The following ZCRB1 variants were observed in gnomAD, a reference collection of about 807,000 sequenced individuals.
ZCRB1 encodes zinc finger CCHC-type and RNA-binding motif-containing protein 1.
In ZCRB1, 21 loss-of-function variants were observed where a neutral mutation model predicts 29.9. The ratio of observed to expected loss-of-function variants is 0.70; its 90% confidence interval spans 0.50 to 1.01. ZCRB1 has a LOEUF of 1.01. Ranked by LOEUF, ZCRB1 falls within the 50% of genes least tolerant of loss-of-function variation. The pLI, the probability that ZCRB1 is intolerant of heterozygous loss-of-function variation, is 0.00. For missense variants in ZCRB1, 204 were observed against 253.3 expected (o/e 0.81, Z 1.32); for synonymous variants, 77 against 80.0 (o/e 0.96, Z 0.20).
chr12:42,321,415 A>G (rs1002482116), intron 3 of ZCRB1, among the ~76,000 whole-genome samples: 2 of 152,214 alleles, frequency 1.3e-5, no homozygotes, highest in African/African-American at 4.8e-5. Flanking sequence ...TGAGATGATA[A>G]TAGTACCTAC....
intron 2 of ZCRB1, among the ~76,000 whole-genome samples, chr12:42,322,882 T>C (rs1300994149): frequency 6.6e-6 from 1 of 152,200 alleles, no homozygotes; most frequent in Non-Finnish European, 1.5e-5. Context: ...CAATCCCTGT[T>C]TGAGAAGGCA....
rs79077494 is a variant in ZCRB1 at position 42,322,811 on chromosome 12, A to C, written c.85-365T>G. Among the ~76,000 whole-genome samples, 260 of 152,320 alleles carry C rather than the reference A, an allele frequency of 1.7e-3. 1 individual carries two copies. The highest frequency in any genetic ancestry group is 5.9e-3 in the African/African-American group (246 of 41,584). ...AGATACACCTGTGCTTCAAATGTCA[A>C]TCTTATGGAGCAGCACTTTTCCAAT... On this transcript the variant is annotated intron_variant, in intron 2 of 7. Coordinates refer to ENST00000266529, the MANE Select transcript of ZCRB1 (RefSeq NM_033114.4).
chr12:42,316,931 G>A (rs1451534222), intron 5 of ZCRB1, among the ~76,000 whole-genome samples: 2 of 152,180 alleles, frequency 1.3e-5, no homozygotes, highest in Non-Finnish European at 2.9e-5. Context: ...ACTAGGCCAG[G>A]CACCATGGCT....
At chr12:42,321,799 CT>C (rs1046579826) in intron 3 of ZCRB1, among the ~76,000 whole-genome samples, 1 of 152,080 alleles carries the variant, frequency 6.6e-6, no homozygotes, top group African/African-American at 2.4e-5. Context: ...TATCCTGTTA[CT>C]TTTTTGCCCC....
Position 42,313,983 on chromosome 12 carries a change from T to C in ZCRB1, c.337A>G (p.Ser113Gly), listed in dbSNP as rs966022519. 7.0e-6 allele frequency: 11 copies of C among 1,581,346 alleles called. No homozygotes were observed. The highest frequency in any genetic ancestry group is 5.5e-5 in the African/African-American group (4 of 72,570). Residue 113 changes from serine (S) to glycine (G), a missense_variant, in exon 6 of 8, where the codon AGT (serine) becomes GGT (glycine). Coordinates refer to ENST00000266529, the MANE Select transcript of ZCRB1 (RefSeq NM_033114.4). ...GGACAGGCATAACTTAAGTGTCCAC[T>C]TTCCTTTTGTTTCCCATTAAAAAGG... ...DKSKCYECGE[S>G]GHLSYACPKN...
chr12:42,317,929 G>T (rs778280219), intron 3 of ZCRB1, 31 bp from the exon 4 acceptor site: 4 of 1,549,640 alleles, frequency 2.6e-6, no homozygotes, highest in Non-Finnish European at 2.6e-6. Flanking sequence ...TTAAAAATGA[G>T]GCAGCAATAA....
At chr12:42,317,234 A>T in intron 5 of ZCRB1, 106 bp downstream of exon 5, 1 of 696,592 alleles carries the variant, frequency 1.4e-6, no homozygotes, top group South Asian at 2.2e-5. Context: ...AAGCATTTTC[A>T]TAATCTGGTT....
In ZCRB1 at chr12:42,313,759, T is replaced by C. The variant is rs781432849; in HGVS notation, c.453A>G (p.Glu151=). The change falls in exon 7 of 8, where the codon GAA becomes GAG. Residue 151 remains glutamate (E), a synonymous_variant. Transcript: ENST00000266529. ...KAPEPEEEIE[E]VEESEDEGED... ...CCCCTTCATCTTCACTTTCTTCTAC[T>C]TCCTCACTTAAATAAAGAAAAACAA... 4 of 1,614,094 alleles carry C rather than the reference T, an allele frequency of 2.5e-6. No homozygotes were observed. The highest frequency in any genetic ancestry group is 3.4e-6 in the Non-Finnish European group (4 of 1,179,988).
In ZCRB1 at chr12:42,317,800, AT is replaced by A; in HGVS notation, c.211del (p.Ile71Ter). On this transcript the variant is annotated frameshift_variant, in exon 4 of 8. Coordinates refer to ENST00000266529, the MANE Select transcript of ZCRB1 (RefSeq NM_033114.4). LOFTEE classifies it high-confidence loss of function. ...KDSAQNCTRA[I>X]NNKQLFGRVI... ...TGAATAGCTTACCTGTTTGTTGTTT[AT>A]TGCCCTGGTACAGTTTTGTGCAGAG... The A allele has an allele frequency of 6.2e-7, 1 of 1,612,840 alleles. No individual in the cohort carries two copies. The highest frequency in any genetic ancestry group is 8.5e-7 in the Non-Finnish European group (1 of 1,179,774).
Position 42,317,373 on chromosome 12 carries a change from G to A in ZCRB1, c.300C>T (p.Asn100=). The change falls in exon 5 of 8, where the codon AAC becomes AAT. Residue 100 remains asparagine, a synonymous_variant. Transcript: ENST00000266529. ...GRAAEFIRRR[N]YFDKSKCYEC... ...CATAACACTTAGATTTATCAAAGTA[G>A]TTTCGCCTTCGGATGAACTCAGCTG... 6.2e-7 allele frequency: 1 copy of A among 1,612,784 alleles called. No homozygotes were observed. The highest frequency in any genetic ancestry group is 1.1e-5 in the South Asian group (1 of 90,792).
At chr12:42,325,345 TTATG>T (rs1407278433) in intron 1 of ZCRB1, 1 of 152,216 alleles carries the variant, frequency 6.6e-6, no homozygotes, top group Non-Finnish European at 1.5e-5. Flanking sequence ...AATTTAAGCT[TTATG>T]TATCGACAAT....
intron 3 of ZCRB1, among the ~76,000 whole-genome samples, chr12:42,319,387 T>G (rs1189741015): frequency 6.6e-6 from 1 of 152,198 alleles, no homozygotes; most frequent in African/African-American, 2.4e-5. Context: ...TTCTGTAAGT[T>G]GCCTATTCTT....
intron 5 of ZCRB1, 117 bp from the exon 6 acceptor site, chr12:42,314,103 C>A: frequency 1.0e-6 from 1 of 973,872 alleles, no homozygotes; most frequent in South Asian, 1.8e-5. Flanking sequence ...TATTCCCATA[C>A]TGGGACTATA....
At chr12:42,322,292 T>C (rs1408939571) in intron 3 of ZCRB1, 126 bp downstream of exon 3, 2 of 953,460 alleles carry the variant, frequency 2.1e-6, no homozygotes, top group East Asian at 3.3e-5. Flanking sequence ...GTCATAAAAA[T>C]GTTAATAGTA....
chr12:42,321,135 T>A (rs561673250), intron 3 of ZCRB1, among the ~76,000 whole-genome samples: 7 of 152,342 alleles, frequency 4.6e-5, no homozygotes, highest in African/African-American at 1.4e-4. Context: ...CTGACCTAGG[T>A]AAGCCTTCCC....
In ZCRB1 at chr12:42,324,042, G is replaced by C. The variant is rs760221394; in HGVS notation, c.61C>G (p.Leu21Val). ...ACCCGGTACAAGTCATTGTTTGTCA[G>C]GGAAAAAGGCAAGTTGGATACATAC... is the stretch of plus-strand genomic sequence containing the variant. ...TVYVSNLPFS[L>V]TNNDLYRIFS... Residue 21 changes from leucine to valine, a missense_variant, in exon 2 of 8, where the codon CTG becomes GTG. Coordinates refer to ENST00000266529, the MANE Select transcript of ZCRB1 (RefSeq NM_033114.4). 1 of 1,614,092 alleles carries C rather than the reference G, an allele frequency of 6.2e-7. No homozygotes were observed. Among genetic ancestry groups the C allele is most frequent in the South Asian group, 1.1e-5 (1 of 91,084 alleles).
intron 1 of ZCRB1, among the ~76,000 whole-genome samples, chr12:42,324,894 A>G (rs1000628681): frequency 6.6e-6 from 1 of 152,246 alleles, no homozygotes; most frequent in African/African-American, 2.4e-5. Flanking sequence ...GGACTCAGAC[A>G]GAACCTTAGC....
chr12:42,323,039 TTTTAC>T (rs1336027353), intron 2 of ZCRB1, among the ~76,000 whole-genome samples: 3 of 152,228 alleles, frequency 2.0e-5, no homozygotes, highest in Non-Finnish European at 4.4e-5. Flanking sequence ...CTTCTGTTAC[TTTTAC>T]TTTATCCTAT....
intron 3 of ZCRB1, among the ~76,000 whole-genome samples, chr12:42,318,538 G>A (rs2068605958): frequency 6.6e-6 from 1 of 152,182 alleles, no homozygotes; most frequent in Non-Finnish European, 1.5e-5. Flanking sequence ...GACAAGGAGA[G>A]TTATGAGAGC....
Sources: gnomAD v4.1 joint callset for allele counts (sites outside exome capture counted in the v4.1 genomes callset) on GRCh38, gnomAD v4.1.1 for gene constraint, MANE v1.5 for transcripts, NCBI Gene and HGNC (gene_info 2026-07-23, HGNC 2026-07-21) for gene names.